Variants in BACE2 observed in about 807,000 individuals in gnomAD.
BACE2 encodes the protein 56 kDa aspartic-like protease.
BACE2 carries 17 observed loss-of-function variants against 46.2 expected under a neutral mutation model. The ratio of observed to expected loss-of-function variants is 0.37; its 90% CI spans 0.25 to 0.55. The LOEUF is 0.55. Ranked by LOEUF, BACE2 falls within the 20% of genes least tolerant of loss-of-function variation. The pLI is 0.82. For synonymous variants in BACE2, 277 were observed against 295.9 expected (o/e 0.94, Z 0.66); for missense variants, 595 against 698.1 (o/e 0.85, Z 1.66).
intron 1 of BACE2, among the ~76,000 whole-genome samples, chr21:41,208,861 G>T (rs777207816): frequency 6.6e-6 from 1 of 152,138 alleles, no homozygotes; most frequent in Non-Finnish European, 1.5e-5. Context: ...TGGGAGTTCC[G>T]TGGAGGCAGC....
chr21:41,220,528 G>GT (rs1390426559), intron 1 of BACE2, among the ~76,000 whole-genome samples: 2 of 152,240 alleles, frequency 1.3e-5, no homozygotes, highest in Non-Finnish European at 2.9e-5. Flanking sequence ...GATTTTAGGA[G>GT]TTGTATGCCA....
chr21:41,196,611 A>G (rs1433985107), intron 1 of BACE2, among the ~76,000 whole-genome samples: 1 of 152,248 alleles, frequency 6.6e-6, no homozygotes, highest in Non-Finnish European at 1.5e-5. Flanking sequence ...CTAAGAAGGT[A>G]GCATATGGCA....
At chr21:41,253,639 A>G (rs1373019242) in intron 7 of BACE2, among the ~76,000 whole-genome samples, 3 of 152,184 alleles carry the variant, frequency 2.0e-5, no homozygotes, top group African/African-American at 7.2e-5. Flanking sequence ...CATTAGGGGG[A>G]AACCTCAGTC....
At chr21:41,232,465 G>T (rs1396235015) in intron 2 of BACE2, among the ~76,000 whole-genome samples, 1 of 152,180 alleles carries the variant, frequency 6.6e-6, no homozygotes, top group Non-Finnish European at 1.5e-5. Flanking sequence ...TATGCTTTGG[G>T]TGCAAATCTC....
chr21:41,234,581 A>G (rs1461305179), intron 2 of BACE2, among the ~76,000 whole-genome samples: 1 of 152,126 alleles, frequency 6.6e-6, no homozygotes, highest in Non-Finnish European at 1.5e-5. Flanking sequence ...GAAATTGCCA[A>G]CCTCTGTTCT....
chr21:41,168,355 T>C lies in BACE2; in HGVS notation c.92T>C (p.Leu31Pro). Residue 31 changes from leucine to proline, a missense_variant, in exon 1 of 9, where the codon CTG (leucine) becomes CCG (proline). By Grantham distance (98) the Leu-to-Pro change is moderately conservative. Transcript: ENST00000330333. ...APELAPAPFTLPLRVAAATNR... is the reference protein window; with the variant it reads ...APELAPAPFTPPLRVAAATNR... Reference sequence around the variant, plus strand: ...GAGCTGGCCCCCGCGCCCTTCACGCTGCCCCTCCGGGTGGCCGCGGCCACG... The same window carrying C: ...GAGCTGGCCCCCGCGCCCTTCACGCCGCCCCTCCGGGTGGCCGCGGCCACG... The C allele has an allele frequency of 1.4e-6, 2 of 1,387,382 alleles. No individual in the cohort carries two copies. The highest frequency in any genetic ancestry group is 1.9e-6 in the Non-Finnish European group (2 of 1,066,646). The allele number at this position is 1,387,382 out of a possible 1,614,324, so 85.9% of individuals were successfully genotyped here. A position where few individuals can be genotyped will look rare whatever the true frequency, so the allele number is the denominator to read the frequency against.
intron 1 of BACE2, among the ~76,000 whole-genome samples, chr21:41,169,121 T>C (rs930182681): frequency 3.3e-5 from 5 of 151,654 alleles, no homozygotes; most frequent in African/African-American, 9.7e-5. Flanking sequence ...GGTTAAGAAG[T>C]GGCTCGCTTG....
intron 1 of BACE2, among the ~76,000 whole-genome samples, chr21:41,202,965 G>T (rs1986008033): frequency 6.6e-6 from 1 of 152,138 alleles, no homozygotes; most frequent in Admixed American, 6.5e-5. Flanking sequence ...ACTGAGTCTG[G>T]TTATTGTTTT....
At chr21:41,189,652 T>C (rs1172510650) in intron 1 of BACE2, among the ~76,000 whole-genome samples, 1 of 152,210 alleles carries the variant, frequency 6.6e-6, no homozygotes, top group Non-Finnish European at 1.5e-5. Flanking sequence ...GGCTGTCTGT[T>C]CATATTTAAA....
At chr21:41,243,128 G>A (rs967963985) in intron 4 of BACE2, among the ~76,000 whole-genome samples, 42 of 152,084 alleles carry the variant, frequency 2.8e-4, no homozygotes, top group African/African-American at 1.2e-4. Flanking sequence ...TAGCCAGGCC[G>A]TTCTCGAACT....
In BACE2 at chr21:41,282,028, T is replaced by A. The variant is rs557741676; in HGVS notation, c.*6404T>A. 8 of 152,334 alleles carry A rather than the reference T, an allele frequency of 5.3e-5. No individual in the cohort carries two copies. In the South Asian group the frequency reaches 1.7e-3, roughly 32 times the overall value. 9.4% of individuals were successfully genotyped at this position (152,334 alleles called of 1,614,324 possible). A position where few individuals can be genotyped will look rare whatever the true frequency, so the allele number is the denominator to read the frequency against. On this transcript the variant is annotated 3_prime_UTR_variant, in exon 9 of 9. Transcript: ENST00000330333. ...ATTCTTAAAGTTTAATATGTTATGTTCAGTCATTGAAAGCGACCACTCATT... is the reference window on the plus strand; with the variant it reads ...ATTCTTAAAGTTTAATATGTTATGTACAGTCATTGAAAGCGACCACTCATT...
intron 1 of BACE2, among the ~76,000 whole-genome samples, chr21:41,199,381 A>G (rs1443550195): frequency 6.6e-6 from 1 of 151,718 alleles, no homozygotes; most frequent in Non-Finnish European, 1.5e-5. Flanking sequence ...GGAAGAACTG[A>G]GCTCTGCTGG....
chr21:41,251,139 C>A (rs137929022), intron 7 of BACE2, among the ~76,000 whole-genome samples: 43 of 152,284 alleles, frequency 2.8e-4, no homozygotes, highest in African/African-American at 1.0e-3. Context: ...GGCCTCCACC[C>A]AGGCTGGTGT....
chr21:41,226,294 G>A lies in BACE2; in HGVS notation c.341G>A (p.Ser114Asn). 1 of 1,613,964 alleles carries A rather than the reference G, an allele frequency of 6.2e-7. No individual in the cohort carries two copies. The highest frequency in any genetic ancestry group is 8.5e-7 in the Non-Finnish European group (1 of 1,179,986). ...CAGATTCTCGTTGACACTGGAAGCAGTAACTTTGCCGTGGCAGGAACCCCG... is the reference window on the plus strand; with the variant it reads ...CAGATTCTCGTTGACACTGGAAGCAATAACTTTGCCGTGGCAGGAACCCCG... ...KLQILVDTGS[S>N]NFAVAGTPHS... The change falls in exon 2 of 9, where the codon AGT becomes AAT. Residue 114 changes from serine to asparagine, a missense_variant. Ser to Asn is a conservative substitution (Grantham distance 46). This residue lies in a region of BACE2 where 248 missense variants were observed against 261.4 expected (regional missense o/e 0.95). Coordinates refer to ENST00000330333, the MANE Select transcript of BACE2 (RefSeq NM_012105.5).
rs747635353 is a variant in BACE2, at chr21:41,246,008, G to A, written c.929G>A (p.Arg310His). The change falls in exon 6 of 9, where the codon CGC becomes CAC. Residue 310 changes from arginine to histidine, a missense_variant. Physicochemically the swap from Arg to His is conservative, Grantham distance 29 (BLOSUM62 0). Transcript: ENST00000330333. ...AIVDSGTTLL[R>H]LPQKVFDAVV... is the part of the protein sequence containing the mutation. ...GTGGACAGTGGCACCACGCTGCTGC[G>A]CCTGCCCCAGAAGGTGTTTGATGCG... 5 of 1,610,952 alleles carry A rather than the reference G, an allele frequency of 3.1e-6. No individual in the cohort carries two copies. The highest frequency in any genetic ancestry group is 1.3e-5 in the African/African-American group (1 of 74,850).
intron 1 of BACE2, chr21:41,179,292 G>T (rs1984992988): frequency 1.9e-5 from 25 of 1,305,980 alleles, no homozygotes; most frequent in Non-Finnish European, 2.5e-5. Flanking sequence ...TCCAGGGTGA[G>T]GATTGAGGGT....
rs148362871 is a variant in BACE2 at position 41,223,383 on chromosome 21, C to A, written c.313-2883C>A. ...AAAAAAAAAACCCCAGGAATGTATTCTTTCACAGTTCTAGAGGCAAGAAGT... is the reference window on the plus strand; with the variant it reads ...AAAAAAAAAACCCCAGGAATGTATTATTTCACAGTTCTAGAGGCAAGAAGT... On this transcript the variant is annotated intron_variant, in intron 1 of 8. Transcript: ENST00000330333. Among the ~76,000 whole-genome samples the A allele has an allele frequency of 1.3e-4, 19 of 151,640 alleles. No homozygotes were observed. The East Asian group carries it at 3.3e-3, about 26-fold the overall frequency.
At chr21:41,245,142 ATAATT>A (rs1197175009) in intron 5 of BACE2, among the ~76,000 whole-genome samples, 3 of 152,376 alleles carry the variant, frequency 2.0e-5, no homozygotes, top group African/African-American at 7.2e-5. Context: ...TACACTGAAA[ATAATT>A]TAATATTTGT....
intron 3 of BACE2, 104 bp from the exon 4 acceptor site, chr21:41,241,715 G>A (rs566893909): frequency 1.5e-6 from 2 of 1,366,036 alleles, no homozygotes; most frequent in Non-Finnish European, 1.0e-6. Flanking sequence ...AAAAAATTGA[G>A]TATAAACACC....
Sources: allele counts gnomAD v4.1 joint callset (sites outside exome capture counted in the v4.1 genomes callset), GRCh38; gene constraint gnomAD v4.1.1; regional missense constraint gnomAD v4.1.1; transcripts MANE v1.5; gene names NCBI Gene and HGNC (gene_info 2026-07-23, HGNC 2026-07-21).